Variants in TRPS1 observed in about 807,000 individuals in gnomAD.
TRPS1 encodes the protein zinc finger transcription factor Trps1.
Under a neutral mutation model 101.2 loss-of-function variants are expected in TRPS1, and 6 were observed. The ratio of observed to expected loss-of-function variants is 0.06; its 90% confidence interval spans 0.03 to 0.12. The LOEUF (loss-of-function observed/expected upper bound fraction) is 0.12, where lower values mean the gene tolerates loss of function less well. Among genes scored for constraint, TRPS1 ranks in the 10% least tolerant of loss-of-function variants. The pLI is 1.00. For missense variants in TRPS1, 1,363 were observed against 1,567.0 expected (o/e 0.87, Z 2.20); for synonymous variants, 578 against 589.8 (o/e 0.98, Z 0.29).
At chr8:115,466,125 C>T (rs758906637) in intron 5 of TRPS1, among the ~76,000 whole-genome samples, 11 of 151,972 alleles carry the variant, frequency 7.2e-5, no homozygotes, top group East Asian at 1.9e-4. Flanking sequence ...AATTATAATC[C>T]GGCTTCAGTA....
In TRPS1 at chr8:115,628,410, C is replaced by T. The variant is rs185250762; in HGVS notation, c.-121-4652G>A. Among the ~76,000 whole-genome samples the T allele has an allele frequency of 3.4e-4, 52 of 151,818 alleles. No homozygotes were observed. In the East Asian group the frequency reaches 9.3e-3, roughly 27 times the overall value. Reference sequence around the variant, plus strand: ...CTCCTTATTTTAACCTAATTAGCATCATTTTTCCCTCTGACAAAAACAAAT... The same window carrying T: ...CTCCTTATTTTAACCTAATTAGCATTATTTTTCCCTCTGACAAAAACAAAT... On this transcript the variant is annotated intron_variant, in intron 1 of 6. Coordinates refer to ENST00000395715, the MANE Select transcript of TRPS1 (RefSeq NM_014112.5).
At chr8:115,512,110 T>C (rs900354263) in intron 5 of TRPS1, among the ~76,000 whole-genome samples, 4 of 151,798 alleles carry the variant, frequency 2.6e-5, no homozygotes, top group Non-Finnish European at 5.9e-5. Context: ...TTTAAAATTT[T>C]CTATTTTCAG....
chr8:115,622,618 A>G (rs1818420347), intron 2 of TRPS1, among the ~76,000 whole-genome samples: 1 of 152,272 alleles, frequency 6.6e-6, no homozygotes, highest in East Asian at 1.9e-4. Context: ...TTACAATATA[A>G]TCTTCCCTTA....
At chr8:115,645,821 C>T (rs1243616264) in intron 1 of TRPS1, among the ~76,000 whole-genome samples, 3 of 152,018 alleles carry the variant, frequency 2.0e-5, no homozygotes, top group Non-Finnish European at 2.9e-5. Context: ...CAATTTAGAC[C>T]TTGAACTCGG....
At chr8:115,458,524 ACTGATG>A (rs1270355763) in intron 5 of TRPS1, among the ~76,000 whole-genome samples, 1 of 152,172 alleles carries the variant, frequency 6.6e-6, no homozygotes, top group Non-Finnish European at 1.5e-5. Context: ...GATGCATCCT[ACTGATG>A]GCCCTTTTAG....
At chr8:115,424,417 T>C (rs1813140928) in intron 5 of TRPS1, among the ~76,000 whole-genome samples, 1 of 152,230 alleles carries the variant, frequency 6.6e-6, no homozygotes, top group African/African-American at 2.4e-5. Context: ...GAGTAATTAT[T>C]GCGTGTCCAC....
At chr8:115,457,797 C>T (rs1043951192) in intron 5 of TRPS1, among the ~76,000 whole-genome samples, 4 of 152,134 alleles carry the variant, frequency 2.6e-5, no homozygotes, top group Admixed American at 1.3e-4. Context: ...GCTGGAGGAA[C>T]AGTAAGATGG....
intron 5 of TRPS1, among the ~76,000 whole-genome samples, chr8:115,533,442 T>TTTTTTTTTTTTTTC (rs1816193572): frequency 8.0e-6 from 1 of 125,658 alleles, no homozygotes; most frequent in Non-Finnish European, 1.6e-5. Context: ...ATCTGTTTTT[T>TTTTTTTTTTTTTTC]TTTTTTTTTT....
intron 5 of TRPS1, among the ~76,000 whole-genome samples, chr8:115,476,169 C>G (rs1282989644): frequency 1.7e-5 from 1 of 60,308 alleles, no homozygotes; most frequent in Non-Finnish European, 2.5e-5. Context: ...CAGGCGCCCG[C>G]CACTACGCCC....
At chr8:115,510,119 C>G (rs1376578460) in intron 5 of TRPS1, among the ~76,000 whole-genome samples, 1 of 151,974 alleles carries the variant, frequency 6.6e-6, no homozygotes, top group Non-Finnish European at 1.5e-5. Flanking sequence ...AAATTAGCCT[C>G]TGTGCATCCT....
chr8:115,523,762 G>A (rs768710480), intron 5 of TRPS1, among the ~76,000 whole-genome samples: 16 of 152,086 alleles, frequency 1.1e-4, no homozygotes, highest in Non-Finnish European at 7.4e-5. Context: ...ATGAGTCTCC[G>A]GCTAAGGCTT....
chr8:115,530,378 T>G lies in TRPS1; in HGVS notation c.2700+56623A>C, dbSNP rs914231821. Among the ~76,000 whole-genome samples, 3 of 152,178 alleles carry G rather than the reference T, an allele frequency of 2.0e-5. No individual in the cohort carries two copies. The East Asian group carries it at 5.8e-4, about 29-fold the overall frequency. Reference sequence around the variant, plus strand: ...GAAATGGTAAAATGTGAAGTCGTCTTGGGAGAAAATAGGCCAGTAACCTAG... The same window carrying G: ...GAAATGGTAAAATGTGAAGTCGTCTGGGGAGAAAATAGGCCAGTAACCTAG... On this transcript the variant is annotated intron_variant, in intron 5 of 6. Transcript: ENST00000395715.
At chr8:115,528,784 T>C (rs1015465546) in intron 5 of TRPS1, among the ~76,000 whole-genome samples, 1 of 152,070 alleles carries the variant, frequency 6.6e-6, no homozygotes, top group Non-Finnish European at 1.5e-5. Context: ...GATATATATA[T>C]GTATATATAG....
chr8:115,472,939 G>C (rs1361205535), intron 5 of TRPS1, among the ~76,000 whole-genome samples: 1 of 152,160 alleles, frequency 6.6e-6, no homozygotes. Flanking sequence ...GGACTTCATT[G>C]TCCATATCAC....
At chr8:115,527,447 A>G (rs566188426) in intron 5 of TRPS1, among the ~76,000 whole-genome samples, 21 of 152,190 alleles carry the variant, frequency 1.4e-4, no homozygotes, top group African/African-American at 4.8e-4. Context: ...TATTCCTGAC[A>G]ACTTAACCAA....
rs1271230752 is a variant in TRPS1, at chr8:115,466,159, T to C, written c.2701-47707A>G. 2.6e-5 allele frequency among the ~76,000 whole-genome samples: 4 copies of C among 152,090 alleles called. No homozygotes were observed. The South Asian group carries it at 8.3e-4, about 31-fold the overall frequency. On this transcript the variant is annotated intron_variant, in intron 5 of 6. Transcript: ENST00000395715. ...TAATCAACATGGGAGAGAAGGAAAGTGGTGGCTAAAAAAACTTCAGCTTAA... is the reference window on the plus strand; with the variant it reads ...TAATCAACATGGGAGAGAAGGAAAGCGGTGGCTAAAAAAACTTCAGCTTAA...
intron 5 of TRPS1, among the ~76,000 whole-genome samples, chr8:115,489,902 T>C (rs889202604): frequency 9.2e-5 from 14 of 152,276 alleles, no homozygotes; most frequent in African/African-American, 3.1e-4. Context: ...TTAATACTTT[T>C]AACATGCCAA....
At chr8:115,552,535 T>G (rs1170022375) in intron 5 of TRPS1, among the ~76,000 whole-genome samples, 1 of 152,188 alleles carries the variant, frequency 6.6e-6, no homozygotes, top group Non-Finnish European at 1.5e-5. Flanking sequence ...TATGCATAAC[T>G]TTTCAACAGA....
rs1812840715 is a variant in TRPS1, at chr8:115,413,657, A to AT, written c.*365dup. On this transcript the variant is annotated 3_prime_UTR_variant, in exon 7 of 7. Transcript: ENST00000395715. The stretch of plus-strand genomic sequence containing the variant: ...AGTCCAGTACTGCTTTAGTATAATA[A>AT]TATGTAAACCCTTTCAAATTCTAGA... 4.7e-6 allele frequency: 1 copy of AT among 214,894 alleles called. No homozygotes were observed. The highest frequency in any genetic ancestry group is 9.3e-6 in the Non-Finnish European group (1 of 107,338). 13.3% of individuals were successfully genotyped at this position (214,894 alleles called of 1,614,324 possible).
Sources: gnomAD v4.1 joint callset for allele counts (sites outside exome capture counted in the v4.1 genomes callset) on GRCh38, gnomAD v4.1.1 for gene constraint, MANE v1.5 for transcripts, NCBI Gene and HGNC (gene_info 2026-07-23, HGNC 2026-07-21) for gene names.